HLA-DRA: variants seen among roughly 807,000 people sequenced by gnomAD.
The protein encoded by HLA-DRA is HLA class II histocompatibility antigen, DR alpha chain.
In HLA-DRA, 8 loss-of-function variants were observed where a neutral mutation model predicts 22.1. The ratio of observed to expected loss-of-function variants is 0.36; its 90% confidence interval spans 0.21 to 0.65. HLA-DRA has a LOEUF of 0.65. Among genes scored for constraint, HLA-DRA ranks in the 30% least tolerant of loss-of-function variants. The pLI, the probability that HLA-DRA is intolerant of heterozygous loss-of-function variation, is 0.63. For synonymous variants in HLA-DRA, 101 were observed against 117.1 expected (o/e 0.86, Z 0.89); for missense variants, 248 against 321.3 (o/e 0.77, Z 1.74).
At chr6:32,442,252 T>A (rs1280154144) in intron 1 of HLA-DRA, among the ~76,000 whole-genome samples, 196 bp from the exon 2 acceptor site, 1 of 152,136 alleles carries the variant, frequency 6.6e-6, no homozygotes, top group Non-Finnish European at 1.5e-5. Flanking sequence ...TTCTTGTTTT[T>A]CCCCTCCCAG....
Position 32,439,900 on chromosome 6 carries a change from C to T in HLA-DRA, c.-51C>T. The T allele has an allele frequency of 1.5e-6, 2 of 1,374,198 alleles. No individual in the cohort carries two copies. The highest frequency in any genetic ancestry group is 2.1e-6 in the Non-Finnish European group (2 of 961,404). The allele number at this position is 1,374,198 out of a possible 1,614,324, so 85.1% of individuals were successfully genotyped here. A position where few individuals can be genotyped will look rare whatever the true frequency, so the allele number is the denominator to read the frequency against. On this transcript the variant is annotated 5_prime_UTR_variant, in exon 1 of 5. Transcript: ENST00000395388. ...CTCTTTTCTTTTATTCTTGTCTGTTCTGCCTCACTCCCGAGCTCTACTGAC... is the reference window on the plus strand; with the variant it reads ...CTCTTTTCTTTTATTCTTGTCTGTTTTGCCTCACTCCCGAGCTCTACTGAC...
rs1224811507 is a variant in HLA-DRA, at chr6:32,443,752, C to G, written c.611-4C>G. 1.9e-6 allele frequency: 3 copies of G among 1,578,470 alleles called. No homozygotes were observed. Among genetic ancestry groups the G allele is most frequent in the Non-Finnish European group, 2.6e-6 (3 of 1,165,240 alleles). ...ACCATGTACTCTGCCTTATTTCCCC[C>G]CAGAGTTTGATGCTCCAAGCCCTCT... On this transcript the variant is annotated splice_polypyrimidine_tract_variant and splice_region_variant and intron_variant, in intron 3 of 4. Coordinates refer to ENST00000395388, the MANE Select transcript of HLA-DRA (RefSeq NM_019111.5).
chr6:32,442,436 C>A lies in HLA-DRA; in HGVS notation c.83-12C>A, dbSNP rs768662559. On this transcript the variant is annotated splice_polypyrimidine_tract_variant and intron_variant, in intron 1 of 4. Transcript: ENST00000395388. ...CCCACCCAACTCTCTTTCTCCATTT[C>A]TTGCCTTTCAGAAGAACATGTGATC... 1 of 1,612,894 alleles carries A rather than the reference C, an allele frequency of 6.2e-7. No homozygotes were observed. Among genetic ancestry groups the A allele is most frequent in the Non-Finnish European group, 8.5e-7 (1 of 1,179,920 alleles).
intron 1 of HLA-DRA, 112 bp downstream of exon 1, chr6:32,440,144 T>G: frequency 1.1e-6 from 1 of 928,852 alleles, no homozygotes; most frequent in Non-Finnish European, 1.8e-6. Context: ...TGACAGGTAT[T>G]ATGTGGTCTC....
intron 3 of HLA-DRA, 32 bp downstream of exon 3, chr6:32,443,498 A>G: frequency 6.3e-7 from 1 of 1,588,034 alleles, no homozygotes; most frequent in South Asian, 1.1e-5. Flanking sequence ...CCTTTATTTC[A>G]AGGTTTCCTC....
At chr6:32,440,930 T>G (rs1463912275) in intron 1 of HLA-DRA, among the ~76,000 whole-genome samples, 2 of 152,210 alleles carry the variant, frequency 1.3e-5, no homozygotes, top group African/African-American at 4.8e-5. Flanking sequence ...GAGCCATACA[T>G]AGGGATACTT....
At chr6:32,443,588 A>G in intron 3 of HLA-DRA, 122 bp downstream of exon 3, 1 of 1,137,838 alleles carries the variant, frequency 8.8e-7, no homozygotes, top group Non-Finnish European at 1.3e-6. Context: ...TTCTCCTACT[A>G]TCCAGCTTCC....
intron 4 of HLA-DRA, 63 bp downstream of exon 4, chr6:32,443,984 G>T: frequency 1.6e-6 from 2 of 1,271,916 alleles, no homozygotes; most frequent in Non-Finnish European, 1.1e-6. Flanking sequence ...AAACAGGGTG[G>T]GGAAAGGAAA....
chr6:32,443,302 A>G lies in HLA-DRA; in HGVS notation c.446A>G (p.Asn149Ser), dbSNP rs1762733939. The change falls in exon 3 of 5, where the codon AAT (asparagine) becomes AGT (serine). Residue 149 changes from asparagine to serine, a missense_variant. Physicochemically the swap from Asn to Ser is conservative, Grantham distance 46 (BLOSUM62 1). Coordinates refer to ENST00000395388, the MANE Select transcript of HLA-DRA (RefSeq NM_019111.5). ...PPVVNVTWLRNGKPVTTGVSE... is the reference protein window; with the variant it reads ...PPVVNVTWLRSGKPVTTGVSE... ...GTGGTCAATGTCACGTGGCTTCGAAATGGAAAACCTGTCACCACAGGAGTG... is the reference window on the plus strand; with the variant it reads ...GTGGTCAATGTCACGTGGCTTCGAAGTGGAAAACCTGTCACCACAGGAGTG... 1 of 1,612,934 alleles carries G rather than the reference A, an allele frequency of 6.2e-7. No individual in the cohort carries two copies. The highest frequency in any genetic ancestry group is 8.5e-7 in the Non-Finnish European group (1 of 1,180,030).
chr6:32,440,157 C>A, intron 1 of HLA-DRA, 125 bp downstream of exon 1: 1 of 845,408 alleles, frequency 1.2e-6, no homozygotes, highest in Non-Finnish European at 2.0e-6. Flanking sequence ...GTGGTCTCGA[C>A]AGAAAGTATA....
At chr6:32,443,079 TTTAGGG>T in intron 2 of HLA-DRA, 100 bp from the exon 3 acceptor site, 1 of 1,027,866 alleles carries the variant, frequency 9.7e-7, no homozygotes, top group Non-Finnish European at 1.4e-6. Context: ...CTTTTTCAGC[TTTAGGG>T]TTTTTAGATA....
chr6:32,442,881 CAA>C (rs1762705790), intron 2 of HLA-DRA, among the ~76,000 whole-genome samples, 188 bp downstream of exon 2: 1 of 152,154 alleles, frequency 6.6e-6, no homozygotes, highest in Non-Finnish European at 1.5e-5. Context: ...TTGTTGTGCT[CAA>C]GTCTTGTCTC....
chr6:32,440,486 T>C (rs1012349025), intron 1 of HLA-DRA, among the ~76,000 whole-genome samples: 1 of 152,194 alleles, frequency 6.6e-6, no homozygotes, highest in Non-Finnish European at 1.5e-5. Flanking sequence ...CAGTAGTTAT[T>C]TTTTGGAGTG....
chr6:32,443,041 T>G (rs1426075033), intron 2 of HLA-DRA, 144 bp from the exon 3 acceptor site: 1 of 738,776 alleles, frequency 1.4e-6, no homozygotes, highest in South Asian at 1.9e-5. Flanking sequence ...GGATGTGACA[T>G]AGATTTCTCA....
intron 1 of HLA-DRA, 114 bp downstream of exon 1, chr6:32,440,146 T>C: frequency 1.1e-6 from 1 of 912,142 alleles, no homozygotes; most frequent in Non-Finnish European, 1.8e-6. Context: ...ACAGGTATTA[T>C]GTGGTCTCGA....
At chr6:32,440,058 G>A (rs1346867268) in intron 1 of HLA-DRA, 26 bp downstream of exon 1, 3 of 1,583,950 alleles carry the variant, frequency 1.9e-6, no homozygotes, top group East Asian at 2.2e-5. Context: ...ATGAAATCTG[G>A]GACGATAGAC....
At chr6:32,443,582 C>A in intron 3 of HLA-DRA, 116 bp downstream of exon 3, 1 of 1,157,648 alleles carries the variant, frequency 8.6e-7, no homozygotes, top group Non-Finnish European at 1.2e-6. Context: ...ACTGTCTTCT[C>A]CTACTATCCA....
chr6:32,442,315 A>T, intron 1 of HLA-DRA, 133 bp from the exon 2 acceptor site: 1 of 1,053,860 alleles, frequency 9.5e-7, no homozygotes, highest in Non-Finnish European at 1.4e-6. Context: ...ACTCATCCCT[A>T]CTCGCCATCA....
At chr6:32,441,408 A>G (rs548796026) in intron 1 of HLA-DRA, among the ~76,000 whole-genome samples, 1 of 141,446 alleles carries the variant, frequency 7.1e-6, no homozygotes, top group Non-Finnish European at 1.6e-5. Context: ...TTTGAAGACT[A>G]AGGAAAAAAA....
Sources: allele counts gnomAD v4.1 joint callset (sites outside exome capture counted in the v4.1 genomes callset), GRCh38; gene constraint gnomAD v4.1.1; transcripts MANE v1.5; gene names NCBI Gene and HGNC (gene_info 2026-07-23, HGNC 2026-07-21).